UGT2B4: variants seen among roughly 807,000 people sequenced by gnomAD.
UGT2B4 encodes UDP glucuronosyltransferase family 2 member B4, also known as UDP-glucuronosyltransferase 2B4.
Under a neutral mutation model 49.8 loss-of-function variants are expected in UGT2B4, and 49 were observed. That is an observed-to-expected ratio of 0.98 (90% CI 0.78 to 1.25). The LOEUF is 1.25. Among genes scored for constraint, UGT2B4 ranks in the 50% most tolerant of loss-of-function variants. The pLI, the probability that UGT2B4 is intolerant of heterozygous loss-of-function variation, is 0.00. For synonymous variants in UGT2B4, 246 were observed against 217.7 expected (o/e 1.13, Z -1.14); for missense variants, 729 against 627.7 (o/e 1.16, Z -1.73).
At chr4:69,505,238 G>A (rs1440446957) in intron 1 of UGT2B4, among the ~76,000 whole-genome samples, 1 of 152,046 alleles carries the variant, frequency 6.6e-6, no homozygotes, top group African/African-American at 2.4e-5. Flanking sequence ...AACCTTAAAT[G>A]TATATGGGCT....
Position 69,505,841 on chromosome 4 carries a change from G to T in UGT2B4, c.-105-9875C>A, listed in dbSNP as rs1023338617. Reference sequence around the variant, plus strand: ...GAAACACTCTTTAGAAAACACGAAAGAATTGAAAGTGTAACAAATAATCTC... The same window carrying T: ...GAAACACTCTTTAGAAAACACGAAATAATTGAAAGTGTAACAAATAATCTC... On this transcript the variant is annotated intron_variant, in intron 1 of 1. Transcript: ENST00000510114. 9.9e-5 allele frequency among the ~76,000 whole-genome samples: 15 copies of T among 152,176 alleles called. No individual in the cohort carries two copies. In the East Asian group the frequency reaches 2.1e-3, roughly 22 times the overall value.
intron 1 of UGT2B4, among the ~76,000 whole-genome samples, chr4:69,502,413 C>T (rs1380444145): frequency 2.6e-5 from 4 of 151,710 alleles, no homozygotes; most frequent in Non-Finnish European, 5.9e-5. Context: ...TTTGGGCCAG[C>T]AACAGGTCTG....
chr4:69,501,976 A>G (rs1044903588), intron 1 of UGT2B4, among the ~76,000 whole-genome samples: 1 of 151,112 alleles, frequency 6.6e-6, no homozygotes, highest in Non-Finnish European at 1.5e-5. Flanking sequence ...GGGGCTTCAC[A>G]TTGACTCATC....
chr4:69,500,590 C>CAAGAAAGA (rs1399741309), upstream of UGT2B4, among the ~76,000 whole-genome samples: 9 of 60,998 alleles, frequency 1.5e-4, no homozygotes, highest in African/African-American at 2.2e-4. Flanking sequence ...AGCAAGAAAG[C>CAAGAAAGA]AAGCAAGAAA....
chr4:69,509,457 T>C (rs565130835), intron 1 of UGT2B4, among the ~76,000 whole-genome samples: 1 of 152,308 alleles, frequency 6.6e-6, no homozygotes, highest in South Asian at 2.1e-4. Flanking sequence ...ACCTACAGTG[T>C]ACAAGAGTTT....
intron 1 of UGT2B4, among the ~76,000 whole-genome samples, chr4:69,501,931 G>C (rs895942613): frequency 2.0e-5 from 3 of 152,074 alleles, no homozygotes; most frequent in African/African-American, 7.2e-5. Flanking sequence ...CCTGACCCGA[G>C]GGTTGCAGAG....
Position 69,493,822 on chromosome 4 carries a change from A to G in UGT2B4, c.741T>C (p.Ser247=). The G allele has an allele frequency of 6.2e-7, 1 of 1,603,268 alleles. No homozygotes were observed. The highest frequency in any genetic ancestry group is 1.7e-5 in the Admixed American group (1 of 58,394). Residue 247 remains serine, a synonymous_variant, in exon 2 of 6, where the codon TCT becomes TCC. Transcript: ENST00000305107. ...ATATGTCAGCTTTTGCCATTGTCTC[A>G]GATAACGTAGTGGGTCTTCCTGATG... is the stretch of plus-strand genomic sequence containing the variant. The part of the protein sequence containing the change: ...SEVLGRPTTL[S]ETMAKADIWL...
intron 1 of UGT2B4, among the ~76,000 whole-genome samples, chr4:69,518,742 C>T (rs1728786669): frequency 6.6e-6 from 1 of 152,120 alleles, no homozygotes; most frequent in Non-Finnish European, 1.5e-5. Context: ...CCAATAAGTC[C>T]AGGGTTCCAG....
chr4:69,521,004 C>G (rs534472419), intron 1 of UGT2B4, among the ~76,000 whole-genome samples: 2 of 152,284 alleles, frequency 1.3e-5, no homozygotes, highest in African/African-American at 4.8e-5. Flanking sequence ...AATCGGCAAG[C>G]AGTTCCTCCC....
At chr4:69,512,722 T>TTG (rs1337224826) in intron 1 of UGT2B4, among the ~76,000 whole-genome samples, 2 of 139,644 alleles carry the variant, frequency 1.4e-5, no homozygotes, top group African/African-American at 5.4e-5. Flanking sequence ...TCTGTTTTTT[T>TTG]TTTGTTTGTT....
intron 1 of UGT2B4, among the ~76,000 whole-genome samples, chr4:69,502,070 CTTTT>C (rs1416378029): frequency 8.5e-4 from 114 of 134,410 alleles, no homozygotes; most frequent in Non-Finnish European, 1.2e-3. Context: ...TTCCTTCCTT[CTTTT>C]CTTTCTTTCT....
chr4:69,505,617 G>T (rs915706813), intron 1 of UGT2B4, among the ~76,000 whole-genome samples: 15 of 152,092 alleles, frequency 9.9e-5, no homozygotes, highest in African/African-American at 3.6e-4. Flanking sequence ...CAATAATAGT[G>T]GGACACTTTA....
intron 1 of UGT2B4, among the ~76,000 whole-genome samples, chr4:69,502,353 A>G (rs992030319): frequency 1.3e-5 from 2 of 151,280 alleles, no homozygotes; most frequent in Admixed American, 1.3e-4. Context: ...AGTCCTTCTG[A>G]CTGTGTTAGA....
At position 69,495,240 on chromosome 4, in the gene UGT2B4, T is replaced by C. The variant is rs757499911; in HGVS notation, c.622A>G (p.Ile208Val). ...MSELSDQMTFIERVKNMIYVL... is the reference protein window; with the variant it reads ...MSELSDQMTFVERVKNMIYVL... The stretch of plus-strand genomic sequence containing the variant: ...TAGATCATATTTTTTACCCTCTCTA[T>C]GAAAGTCATTTGGTCACTTAGTTCT... Residue 208 changes from isoleucine (I) to valine (V), a missense_variant, in exon 1 of 6, where the codon ATA becomes GTA. Physicochemically the swap from Ile to Val is conservative, Grantham distance 29. Transcript: ENST00000305107. The C allele has an allele frequency of 6.2e-7, 1 of 1,611,778 alleles. No individual in the cohort carries two copies. The highest frequency in any genetic ancestry group is 8.5e-7 in the Non-Finnish European group (1 of 1,179,382).
At chr4:69,500,407 A>G (rs891130181), upstream of UGT2B4, among the ~76,000 whole-genome samples, 1 of 151,834 alleles carries the variant, frequency 6.6e-6, no homozygotes, top group African/African-American at 2.4e-5. Flanking sequence ...CAAAACAAAT[A>G]CAATGAAGAA....
At chr4:69,499,707 T>A (rs147596080), upstream of UGT2B4, among the ~76,000 whole-genome samples, 439 of 152,322 alleles carry the variant, frequency 2.9e-3, 4 homozygotes, top group African/African-American at 0.01. Flanking sequence ...TGCTTTCTAT[T>A]TGCTTGGTAA....
intron 5 of UGT2B4, among the ~76,000 whole-genome samples, chr4:69,481,791 T>C (rs978390081): frequency 2.0e-5 from 3 of 152,210 alleles, no homozygotes; most frequent in Non-Finnish European, 2.9e-5. Flanking sequence ...TTTAAGTTTC[T>C]AAAGAGGAAT....
intron 2 of UGT2B4, among the ~76,000 whole-genome samples, chr4:69,490,597 A>G (rs1727954071): frequency 2.0e-5 from 3 of 152,178 alleles, no homozygotes; most frequent in South Asian, 2.1e-4. Flanking sequence ...AAATTTAAAT[A>G]CTTTCAGATT....
chr4:69,502,091 C>CTTTCTTTCTTTCTTTCTCTTTCTT (rs1164693410), intron 1 of UGT2B4, among the ~76,000 whole-genome samples: 3 of 108,418 alleles, frequency 2.8e-5, no homozygotes, highest in Non-Finnish European at 3.9e-5. Flanking sequence ...TTCTTTCTCT[C>CTTTCTTTCTTTCTTTCTCTTTCTT]TCTTTCTTTC....
Sources: gnomAD v4.1 joint callset for allele counts (sites outside exome capture counted in the v4.1 genomes callset) on GRCh38, gnomAD v4.1.1 for gene constraint, MANE v1.5 for transcripts, NCBI Gene and HGNC (gene_info 2026-07-23, HGNC 2026-07-21) for gene names.